The following MGA variants were observed in gnomAD, a reference collection of about 807,000 sequenced individuals.
The protein encoded by MGA is MAX gene-associated protein.
Under a neutral mutation model 261.1 loss-of-function variants are expected in MGA, and 40 were observed. That is an observed-to-expected ratio of 0.15 (90% confidence interval 0.12 to 0.20). MGA has a LOEUF of 0.20. Ranked by LOEUF, MGA falls within the 10% of genes least tolerant of loss-of-function variation. The probability of loss-of-function intolerance (pLI) is 1.00; values close to 1 mark genes in which losing one functional copy is unlikely to be tolerated. For missense variants in MGA, 3,397 were observed against 3,630.5 expected (o/e 0.94, Z 1.65); for synonymous variants, 1,302 against 1,290.6 (o/e 1.01, Z -0.19).
chr15:41,761,691 A>C (rs1207119452), intron 20 of MGA, 48 bp from the exon 21 acceptor site: 1 of 1,250,056 alleles, frequency 8.0e-7, no homozygotes, highest in Non-Finnish European at 1.1e-6. Context: ...AGCTGTGTTT[A>C]AAGAAAGAGT....
chr15:41,714,782 C>T (rs1470265349), intron 9 of MGA, among the ~76,000 whole-genome samples: 1 of 152,174 alleles, frequency 6.6e-6, no homozygotes, highest in African/African-American at 2.4e-5. Flanking sequence ...AGGCATGAGC[C>T]ACTGTACCCA....
At chr15:41,755,366 T>A (rs1405251904) in intron 18 of MGA, among the ~76,000 whole-genome samples, 1 of 152,208 alleles carries the variant, frequency 6.6e-6, no homozygotes, top group Admixed American at 6.5e-5. Context: ...TCCGGAGCTG[T>A]TTGCAGGCTA....
At chr15:41,681,564 C>T (rs998510040) in intron 2 of MGA, among the ~76,000 whole-genome samples, 8 of 152,044 alleles carry the variant, frequency 5.3e-5, no homozygotes, top group African/African-American at 1.9e-4. Context: ...GATCCTCCCA[C>T]CTCAGCCTCC....
intron 13 of MGA, among the ~76,000 whole-genome samples, chr15:41,738,529 C>T (rs1261559391): frequency 6.6e-6 from 1 of 152,164 alleles, no homozygotes; most frequent in Non-Finnish European, 1.5e-5. Flanking sequence ...AGTATTTTCT[C>T]TACCTTATAT....
rs372220979 is a variant in MGA, at chr15:41,639,989, G to A, written c.-68+18691G>A. Among the ~76,000 whole-genome samples, 44 of 152,272 alleles carry A rather than the reference G, an allele frequency of 2.9e-4. 1 individual carries two copies. In the East Asian group the frequency reaches 8.5e-3, roughly 29 times the overall value. The stretch of plus-strand genomic sequence containing the variant: ...GACCAATCTGTCAAGGATGATGAGA[G>A]CTAGATTACTGTGCACCAAAGGAGA... On this transcript the variant is annotated intron_variant, in intron 1 of 8. Coordinates refer to the MGA transcript ENST00000566718.
At chr15:41,723,068 G>A (rs1379511938) in intron 9 of MGA, among the ~76,000 whole-genome samples, 1 of 152,170 alleles carries the variant, frequency 6.6e-6, no homozygotes, top group East Asian at 1.9e-4. Flanking sequence ...GAAATGAGGA[G>A]ACCATTTCTT....
rs777956773 is a variant in MGA, at chr15:41,668,940, A to G, written c.46A>G (p.Thr16Ala). 3.1e-6 allele frequency: 5 copies of G among 1,601,940 alleles called. No individual in the cohort carries two copies. In the Admixed American group the frequency reaches 6.7e-5, roughly 22 times the overall value. Residue 16 changes from threonine (T) to alanine (A), a missense_variant, in exon 2 of 24, where the codon ACA becomes GCA. Coordinates refer to ENST00000219905, the MANE Select transcript of MGA (RefSeq NM_001164273.2). ...TATATTGGCTAATCAAGATGGTGGA[A>G]CAGTGGCAGGAGCAGCACCTACCTT...
chr15:41,695,253 A>G (rs181138333), intron 2 of MGA, among the ~76,000 whole-genome samples: 142 of 151,930 alleles, frequency 9.3e-4, no homozygotes, highest in Non-Finnish European at 1.1e-3. Flanking sequence ...CAGTGGCACA[A>G]TCTCGGCTCT....
At position 41,766,446 on chromosome 15, in the gene MGA, A is replaced by G; in HGVS notation, c.8364A>G (p.Ile2788Met). The G allele has an allele frequency of 6.2e-7, 1 of 1,614,010 alleles. No individual in the cohort carries two copies. The highest frequency in any genetic ancestry group is 8.5e-7 in the Non-Finnish European group (1 of 1,179,870). ...TGAAAGATCTCAAGGACTCAAGCAT[A>G]GAGATGGAACTGAGGAAAGTAACAT... The change falls in exon 24 of 24, where the codon ATA (isoleucine) becomes ATG (methionine). Residue 2788 changes from isoleucine to methionine, a missense_variant. By Grantham distance (10) the Ile-to-Met change is conservative. Transcript: ENST00000219905.
intron 2 of MGA, among the ~76,000 whole-genome samples, chr15:41,676,241 G>T (rs1237908599): frequency 2.0e-5 from 3 of 151,962 alleles, no homozygotes; most frequent in African/African-American, 7.3e-5. Flanking sequence ...GGAGTCCAGT[G>T]GTGCAATCTT....
chr15:41,688,161 T>C (rs2059066053), intron 2 of MGA, among the ~76,000 whole-genome samples: 2 of 152,156 alleles, frequency 1.3e-5, no homozygotes, highest in Admixed American at 1.3e-4. Context: ...CTGCAACATC[T>C]GCCTCCCGGG....
intron 1 of MGA, among the ~76,000 whole-genome samples, chr15:41,625,732 AAAAT>A (rs757199123): frequency 6.4e-4 from 97 of 152,268 alleles, no homozygotes; most frequent in Middle Eastern, 3.4e-3. Flanking sequence ...AATAAAAATA[AAAAT>A]AAATAAATAC....
At chr15:41,710,508 C>T (rs997544676) in intron 7 of MGA, among the ~76,000 whole-genome samples, 183 bp from the exon 8 acceptor site, 12 of 152,206 alleles carry the variant, frequency 7.9e-5, no homozygotes, top group East Asian at 1.9e-4. Flanking sequence ...CTGTAGCGAT[C>T]GTTTTGCTTC....
chr15:41,673,163 A>G (rs1385567933), intron 2 of MGA, among the ~76,000 whole-genome samples: 6 of 152,108 alleles, frequency 3.9e-5, no homozygotes, highest in African/African-American at 1.4e-4. Flanking sequence ...GATATTTATT[A>G]CATGAAGGTT....
chr15:41,718,565 C>A, intron 9 of MGA: 1 of 397,180 alleles, frequency 2.5e-6, no homozygotes, highest in Non-Finnish European at 4.8e-6. Context: ...GGTGTCTGGG[C>A]TTCTGCAACT....
chr15:41,699,746 C>T (rs576881386), intron 5 of MGA, among the ~76,000 whole-genome samples: 15 of 152,214 alleles, frequency 9.9e-5, no homozygotes, highest in African/African-American at 1.9e-4. Flanking sequence ...GTGATCCGCC[C>T]GCCTCGGCCT....
At chr15:41,705,291 T>C (rs1209512210) in intron 5 of MGA, among the ~76,000 whole-genome samples, 1 of 151,954 alleles carries the variant, frequency 6.6e-6, no homozygotes, top group Non-Finnish European at 1.5e-5. Flanking sequence ...TTACCTCTCG[T>C]AGGGACTTAT....
At chr15:41,727,118 G>T in intron 9 of MGA, 62 bp from the exon 10 acceptor site, 1 of 1,312,602 alleles carries the variant, frequency 7.6e-7, no homozygotes, top group Middle Eastern at 2.6e-4. Flanking sequence ...TTTTGGCAGT[G>T]CCTCAGTATT....
At chr15:41,693,150 G>T (rs1038764028) in intron 2 of MGA, among the ~76,000 whole-genome samples, 1 of 152,026 alleles carries the variant, frequency 6.6e-6, no homozygotes, top group Non-Finnish European at 1.5e-5. Context: ...TCTATTGGAG[G>T]ATTTTCTTTT....
Sources: gnomAD v4.1 joint callset for allele counts (sites outside exome capture counted in the v4.1 genomes callset) on GRCh38, gnomAD v4.1.1 for gene constraint, MANE v1.5 for transcripts, NCBI Gene and HGNC (gene_info 2026-07-23, HGNC 2026-07-21) for gene names.